Variants in CTNNA3 observed in about 807,000 individuals in gnomAD.
CTNNA3 encodes the protein catenin alpha-3.
A neutral mutation model predicts 95.7 loss-of-function variants in CTNNA3; 76 were observed. That is an observed-to-expected ratio of 0.79 (90% CI 0.66 to 0.96). CTNNA3 has a LOEUF of 0.96. Ranked by LOEUF, CTNNA3 falls within the 40% of genes least tolerant of loss-of-function variation. CTNNA3 has a pLI of 0.00. For synonymous variants in CTNNA3, 431 were observed against 374.4 expected, an observed-to-expected ratio of 1.15 and a Z score of -1.74; for missense variants, 1,191 against 1,089.8, an observed-to-expected ratio of 1.09 and a Z score of -1.31.
intron 13 of CTNNA3, among the ~76,000 whole-genome samples, chr10:66,241,826 G>C (rs917386660): frequency 6.6e-6 from 1 of 151,884 alleles, no homozygotes; most frequent in Non-Finnish European, 1.5e-5. Flanking sequence ...AATAACGTTA[G>C]AAAACTCCAA....
intron 7 of CTNNA3, among the ~76,000 whole-genome samples, chr10:66,820,454 A>G (rs1344016387): frequency 6.6e-6 from 1 of 152,072 alleles, no homozygotes; most frequent in Non-Finnish European, 1.5e-5. Flanking sequence ...TGAATTATAC[A>G]ATTTAATGTG....
intron 5 of CTNNA3, among the ~76,000 whole-genome samples, chr10:67,483,902 C>T (rs1188634361): frequency 6.6e-6 from 1 of 151,680 alleles, no homozygotes; most frequent in African/African-American, 2.4e-5. Context: ...CCATACTGCC[C>T]AAAGCAATCT....
At chr10:66,794,945 T>C (rs2132215690) in intron 7 of CTNNA3, among the ~76,000 whole-genome samples, 1 of 152,262 alleles carries the variant, frequency 6.6e-6, no homozygotes, top group Non-Finnish European at 1.5e-5. Flanking sequence ...TATCCTAAGA[T>C]TGTTATAATT....
chr10:66,849,770 G>A (rs1184427519), intron 7 of CTNNA3, among the ~76,000 whole-genome samples: 1 of 152,078 alleles, frequency 6.6e-6, no homozygotes, highest in Non-Finnish European at 1.5e-5. Flanking sequence ...TCAGACTTCC[G>A]GCCTCCAAAC....
At chr10:67,103,025 T>A (rs953635484) in intron 7 of CTNNA3, among the ~76,000 whole-genome samples, 2 of 151,788 alleles carry the variant, frequency 1.3e-5, no homozygotes, top group African/African-American at 4.8e-5. Context: ...GAAGTTACTA[T>A]TAAGAGGTCA....
intron 7 of CTNNA3, among the ~76,000 whole-genome samples, chr10:67,009,223 T>C (rs114123159): frequency 0.023 from 3,503 of 152,228 alleles, 162 homozygotes; most frequent in African/African-American, 0.08. Context: ...TATTCAAGAA[T>C]ACAAATTATA....
chr10:66,169,520 T>G (rs555611112), intron 13 of CTNNA3, among the ~76,000 whole-genome samples: 3 of 152,304 alleles, frequency 2.0e-5, no homozygotes, highest in Non-Finnish European at 4.4e-5. Context: ...ATGGCTTCTT[T>G]TCCTCTGGGT....
intron 1 of CTNNA3, among the ~76,000 whole-genome samples, chr10:67,690,498 A>G (rs1298869736): frequency 1.3e-5 from 2 of 152,030 alleles, no homozygotes; most frequent in Non-Finnish European, 2.9e-5. Context: ...CATTTTACAG[A>G]GTGACTGGTT....
intron 7 of CTNNA3, among the ~76,000 whole-genome samples, chr10:66,985,654 T>C (rs963089043): frequency 3.3e-5 from 5 of 152,124 alleles, no homozygotes; most frequent in Admixed American, 3.3e-4. Flanking sequence ...GAAGGGCAGG[T>C]GGAAATGATC....
intron 13 of CTNNA3, among the ~76,000 whole-genome samples, chr10:66,115,872 T>C (rs999539571): frequency 6.6e-6 from 1 of 152,094 alleles, no homozygotes; most frequent in South Asian, 2.1e-4. Flanking sequence ...AAATTACACA[T>C]TACTGTAGGG....
intron 16 of CTNNA3, among the ~76,000 whole-genome samples, chr10:65,985,580 T>C (rs2078410928): frequency 6.6e-6 from 1 of 151,466 alleles, no homozygotes; most frequent in African/African-American, 2.4e-5. Flanking sequence ...ATACTACTTT[T>C]CTTTGAATTT....
chr10:66,378,964 T>A (rs9414919), intron 12 of CTNNA3, among the ~76,000 whole-genome samples, 188 bp downstream of exon 12: 1 of 151,994 alleles, frequency 6.6e-6, no homozygotes, highest in African/African-American at 2.4e-5. Context: ...GACCTCTTTT[T>A]ACCAATGAAT....
At chr10:66,073,372 A>G (rs1209237921) in intron 14 of CTNNA3, among the ~76,000 whole-genome samples, 1 of 152,104 alleles carries the variant, frequency 6.6e-6, no homozygotes, top group African/African-American at 2.4e-5. Flanking sequence ...CGCTACTTTC[A>G]TGACTTCAGC....
At chr10:66,471,676 A>G (rs1274338233) in intron 11 of CTNNA3, among the ~76,000 whole-genome samples, 1 of 151,746 alleles carries the variant, frequency 6.6e-6, no homozygotes, top group Admixed American at 6.6e-5. Context: ...TTACCTAGTG[A>G]CATCACATAT....
At chr10:66,712,442 G>A (rs1473150531) in intron 9 of CTNNA3, among the ~76,000 whole-genome samples, 5 of 152,054 alleles carry the variant, frequency 3.3e-5, no homozygotes, top group Admixed American at 1.3e-4. Flanking sequence ...CTGATATTTC[G>A]ATATTATTCA....
rs573618400 is a variant in CTNNA3, at chr10:67,307,189, A to G, written c.580-87319T>C. On this transcript the variant is annotated intron_variant, in intron 5 of 17. Coordinates refer to ENST00000433211, the MANE Select transcript of CTNNA3 (RefSeq NM_013266.4). ...GAAAGTATGGAAAAAAATATCTTTT[A>G]TTATGTTGATTAAATAATTAATAAA... Among the ~76,000 whole-genome samples, 8 of 152,298 alleles carry G rather than the reference A, an allele frequency of 5.3e-5. No individual in the cohort carries two copies. The South Asian group carries it at 8.3e-4, about 16-fold the overall frequency.
At chr10:66,228,652 C>T (rs73313994) in intron 13 of CTNNA3, among the ~76,000 whole-genome samples, 51 of 151,988 alleles carry the variant, frequency 3.4e-4, no homozygotes, top group Middle Eastern at 3.2e-3. Flanking sequence ...TATATTAGGT[C>T]TATTTGGTCT....
At chr10:67,411,348 A>G (rs1003327892) in intron 5 of CTNNA3, among the ~76,000 whole-genome samples, 1 of 152,172 alleles carries the variant, frequency 6.6e-6, no homozygotes, top group African/African-American at 2.4e-5. Context: ...AAATTTTTAA[A>G]GGCCGAATTT....
chr10:67,133,328 T>TATATATATATAC (rs145659453), intron 7 of CTNNA3, among the ~76,000 whole-genome samples: 3 of 105,344 alleles, frequency 2.8e-5, no homozygotes, highest in South Asian at 3.4e-4. Context: ...TATATATTTA[T>TATATATATATAC]ACACACACAC....
Sources: allele counts gnomAD v4.1 joint callset (sites outside exome capture counted in the v4.1 genomes callset), GRCh38; gene constraint gnomAD v4.1.1; transcripts MANE v1.5; gene names NCBI Gene and HGNC (gene_info 2026-07-23, HGNC 2026-07-21).